The following CHN1 variants were observed in gnomAD, a reference collection of about 807,000 sequenced individuals.
CHN1 encodes the protein N-chimaerin.
In CHN1, 37 loss-of-function variants were observed where a neutral mutation model predicts 59.5. The observed-to-expected ratio is 0.62, with a 90% CI of 0.48 to 0.82. The LOEUF is 0.82. CHN1 is among the 40% of genes least tolerant of loss of function. CHN1 has a pLI of 0.00. For missense variants in CHN1, 469 were observed against 571.0 expected, an observed-to-expected ratio of 0.82 and a Z score of 1.82; for synonymous variants, 206 against 200.4, an observed-to-expected ratio of 1.03 and a Z score of -0.24.
At chr2:174,862,547 G>A (rs1302671011) in intron 6 of CHN1, among the ~76,000 whole-genome samples, 4 of 152,104 alleles carry the variant, frequency 2.6e-5, no homozygotes, top group Non-Finnish European at 4.4e-5. Flanking sequence ...TGGTCAGGAT[G>A]GTCTCAATCT....
chr2:174,820,060 A>G (rs1685431173), intron 8 of CHN1, among the ~76,000 whole-genome samples: 1 of 152,032 alleles, frequency 6.6e-6, no homozygotes, highest in Non-Finnish European at 1.5e-5. Context: ...AATCCAGTCT[A>G]TCAATCATTG....
intron 6 of CHN1, among the ~76,000 whole-genome samples, chr2:174,862,412 A>C (rs1687096336): frequency 6.6e-6 from 1 of 151,178 alleles, no homozygotes; most frequent in South Asian, 2.1e-4. Context: ...GGCTCACTGC[A>C]ACCTCCGCCT....
intron 5 of CHN1, among the ~76,000 whole-genome samples, chr2:174,882,297 G>C (rs886752825): frequency 1.3e-5 from 2 of 152,088 alleles, no homozygotes; most frequent in African/African-American, 4.8e-5. Flanking sequence ...TCCAGGTTTC[G>C]GGTTTCCTAT....
At chr2:174,812,755 T>A (rs746278443) in intron 8 of CHN1, among the ~76,000 whole-genome samples, 18 of 152,184 alleles carry the variant, frequency 1.2e-4, no homozygotes, top group Non-Finnish European at 2.2e-4. Flanking sequence ...TCAAAATTAA[T>A]GTTTTTAATT....
intron 7 of CHN1, among the ~76,000 whole-genome samples, chr2:174,845,478 C>G (rs1255407381): frequency 6.6e-6 from 1 of 151,984 alleles, no homozygotes; most frequent in Middle Eastern, 3.2e-3. Context: ...TGCTTAGGTT[C>G]CTAAATGAAA....
chr2:174,904,465 C>T (rs1335372754), intron 5 of CHN1, among the ~76,000 whole-genome samples: 1 of 151,686 alleles, frequency 6.6e-6, no homozygotes, highest in African/African-American at 2.4e-5. Context: ...CTCGGCTCAC[C>T]ACAACCTCCA....
At chr2:174,821,836 T>C (rs1034433991) in intron 8 of CHN1, 1 of 366,808 alleles carries the variant, frequency 2.7e-6, no homozygotes, top group South Asian at 2.0e-5. Flanking sequence ...TATTTTGTCA[T>C]AGCAACCCAA....
intron 4 of CHN1, among the ~76,000 whole-genome samples, chr2:174,917,260 C>T (rs576206708): frequency 5.3e-5 from 8 of 152,106 alleles, no homozygotes; most frequent in African/African-American, 1.9e-4. Flanking sequence ...TGGTGAAACC[C>T]CGTCTGTCCT....
In CHN1 at chr2:175,004,868, C is replaced by G. The variant is rs752042300; in HGVS notation, c.19+26G>C. The G allele has an allele frequency of 2.2e-6, 3 of 1,379,308 alleles. No individual in the cohort carries two copies. In the African/African-American group the frequency reaches 4.5e-5, roughly 20 times the overall value. 85.4% of individuals were successfully genotyped at this position (1,379,308 alleles called of 1,614,324 possible). On this transcript the variant is annotated intron_variant, in intron 1 of 12. Transcript: ENST00000409900. ...GCCCCGGGACGCGGCCCACCTGCGG[C>G]GGCGCGGGGAGACGGCTGCACTTAC...
chr2:174,934,377 C>G (rs1282491188), intron 3 of CHN1, among the ~76,000 whole-genome samples: 1 of 152,214 alleles, frequency 6.6e-6, no homozygotes, highest in African/African-American at 2.4e-5. Context: ...TCTAATGCCA[C>G]TACTGATCTG....
chr2:174,992,326 G>C (rs924838047), intron 1 of CHN1, among the ~76,000 whole-genome samples: 1 of 152,066 alleles, frequency 6.6e-6, no homozygotes, highest in African/African-American at 2.4e-5. Flanking sequence ...AAAAGACTTG[G>C]GAATCATTCA....
intron 11 of CHN1, among the ~76,000 whole-genome samples, chr2:174,805,670 T>C (rs529975549): frequency 1.1e-4 from 16 of 152,240 alleles, no homozygotes; most frequent in Middle Eastern, 3.4e-3. Context: ...AATGTGAACA[T>C]TGTCCGAGAA....
chr2:174,941,320 G>A (rs1689656744), intron 3 of CHN1, among the ~76,000 whole-genome samples: 1 of 152,124 alleles, frequency 6.6e-6, no homozygotes, highest in Non-Finnish European at 1.5e-5. Flanking sequence ...CCAAAATCTA[G>A]TCCCTGGAAA....
intron 1 of CHN1, among the ~76,000 whole-genome samples, chr2:174,964,425 G>A (rs1351372054): frequency 1.3e-5 from 2 of 152,206 alleles, no homozygotes; most frequent in Non-Finnish European, 2.9e-5. Flanking sequence ...ACAAAAAAGT[G>A]TAAGTAAACT....
Position 174,936,963 on chromosome 2 carries a change from C to A in CHN1, c.114+7925G>T, listed in dbSNP as rs1210342078. On this transcript the variant is annotated intron_variant, in intron 3 of 12. Coordinates refer to ENST00000409900, the MANE Select transcript of CHN1 (RefSeq NM_001822.7). ...ATTTCAAAATTGATCTCAACAATAA[C>A]CTTTAATAAAAAAATCATTTATATT... Among the ~76,000 whole-genome samples the A allele has an allele frequency of 2.6e-5, 4 of 152,024 alleles. No individual in the cohort carries two copies. The East Asian group carries it at 5.8e-4, about 22-fold the overall frequency.
At chr2:174,994,196 T>C (rs1289705338) in intron 1 of CHN1, among the ~76,000 whole-genome samples, 1 of 152,254 alleles carries the variant, frequency 6.6e-6, no homozygotes, top group Admixed American at 6.5e-5. Context: ...TTAGTAATAT[T>C]AGAGTTAAAC....
At chr2:174,895,032 T>C (rs773151187) in intron 5 of CHN1, among the ~76,000 whole-genome samples, 3 of 144,952 alleles carry the variant, frequency 2.1e-5, no homozygotes, top group African/African-American at 5.6e-5. Flanking sequence ...ACATAGTATA[T>C]ACACACACAC....
intron 6 of CHN1, among the ~76,000 whole-genome samples, chr2:174,872,847 C>G (rs1186393898): frequency 6.6e-6 from 1 of 152,078 alleles, no homozygotes; most frequent in Admixed American, 6.6e-5. Context: ...TCCCAGAAAG[C>G]AATAATTCTT....
chr2:174,864,746 A>G (rs1687165090), intron 6 of CHN1, among the ~76,000 whole-genome samples: 1 of 152,108 alleles, frequency 6.6e-6, no homozygotes, highest in African/African-American at 2.4e-5. Flanking sequence ...TGCCTGTAGT[A>G]CCAGTACTTC....
Sources: allele counts gnomAD v4.1 joint callset (sites outside exome capture counted in the v4.1 genomes callset), GRCh38; gene constraint gnomAD v4.1.1; transcripts MANE v1.5; gene names NCBI Gene and HGNC (gene_info 2026-07-23, HGNC 2026-07-21).